ATF6: variants seen among roughly 807,000 people sequenced by gnomAD.
ATF6 encodes cyclic AMP-dependent transcription factor ATF-6 alpha.
ATF6 carries 53 observed loss-of-function variants against 83.6 expected under a neutral mutation model. That is an observed-to-expected ratio of 0.63 (90% CI 0.51 to 0.80). ATF6 has a LOEUF of 0.80. Among genes scored for constraint, ATF6 ranks in the 30% least tolerant of loss-of-function variants. ATF6 has a pLI of 0.00. For synonymous variants in ATF6, 288 were observed against 285.8 expected (o/e 1.01, Z -0.08); for missense variants, 744 against 797.9 (o/e 0.93, Z 0.81).
chr1:161,951,862 G>A (rs1218775536), intron 15 of ATF6, among the ~76,000 whole-genome samples: 1 of 152,128 alleles, frequency 6.6e-6, no homozygotes, highest in Non-Finnish European at 1.5e-5. Flanking sequence ...CTACGGTTTT[G>A]TGGATCCATT....
chr1:161,797,718 C>T (rs568958375), intron 6 of ATF6, among the ~76,000 whole-genome samples: 9 of 152,198 alleles, frequency 5.9e-5, no homozygotes, highest in East Asian at 3.9e-4. Context: ...TAGGAAGAAT[C>T]GATAGTGTTA....
chr1:161,773,140 A>ATTTTTTT (rs759769528), intron 1 of ATF6, among the ~76,000 whole-genome samples: 2 of 130,070 alleles, frequency 1.5e-5, no homozygotes, highest in African/African-American at 5.8e-5. Context: ...TACTTTTTGT[A>ATTTTTTT]TTTTTTTTTT....
intron 4 of ATF6, among the ~76,000 whole-genome samples, chr1:161,785,044 T>C (rs6685369): frequency 0.9 from 136,898 of 152,268 alleles, 61,716 homozygotes; most frequent in African/African-American, 0.96. Context: ...CCCCATTTAC[T>C]TTTCCAGTCT....
intron 2 of ATF6, among the ~76,000 whole-genome samples, chr1:161,778,862 C>T (rs10799979): frequency 0.12 from 18,489 of 152,008 alleles, 1,677 homozygotes; most frequent in East Asian, 0.31. Flanking sequence ...TTGATTAGTA[C>T]ATATAAAACT....
intron 14 of ATF6, among the ~76,000 whole-genome samples, chr1:161,888,027 A>G (rs1427026329): frequency 6.6e-6 from 1 of 152,230 alleles, no homozygotes; most frequent in Non-Finnish European, 1.5e-5. Flanking sequence ...GAGGGAAGAA[A>G]AATTAGGGGC....
intron 15 of ATF6, among the ~76,000 whole-genome samples, chr1:161,935,673 C>T (rs1188551479): frequency 6.6e-6 from 1 of 152,200 alleles, no homozygotes; most frequent in Non-Finnish European, 1.5e-5. Flanking sequence ...AAAATCACAG[C>T]TACTTTTGCA....
intron 1 of ATF6, among the ~76,000 whole-genome samples, chr1:161,773,767 G>A: frequency 6.6e-6 from 1 of 152,164 alleles, no homozygotes; most frequent in South Asian, 2.1e-4. Flanking sequence ...GTGTGGGACT[G>A]GTGCAAAGGA....
At chr1:161,795,607 A>T (rs1483148709) in intron 6 of ATF6, among the ~76,000 whole-genome samples, 1 of 152,262 alleles carries the variant, frequency 6.6e-6, no homozygotes, top group Non-Finnish European at 1.5e-5. Context: ...AGTGAGTTAC[A>T]CATAGTCAAA....
chr1:161,913,035 T>A (rs954570085), intron 15 of ATF6, among the ~76,000 whole-genome samples: 2 of 152,190 alleles, frequency 1.3e-5, no homozygotes, highest in African/African-American at 4.8e-5. Flanking sequence ...GAAAAGAGAT[T>A]ACTTTCAGCT....
At chr1:161,958,225 A>G (rs777103062) in intron 15 of ATF6, among the ~76,000 whole-genome samples, 5 of 152,108 alleles carry the variant, frequency 3.3e-5, no homozygotes, top group South Asian at 4.2e-4. Context: ...TGTTTAGTCA[A>G]TGGAGGTTGT....
intron 14 of ATF6, among the ~76,000 whole-genome samples, chr1:161,882,054 TAAAGC>T (rs1687335010): frequency 6.6e-6 from 1 of 152,126 alleles, no homozygotes. Flanking sequence ...AAGGAAGAAT[TAAAGC>T]AAAGCCAAGT....
chr1:161,941,716 A>G (rs1002271978), intron 15 of ATF6, among the ~76,000 whole-genome samples: 3 of 152,228 alleles, frequency 2.0e-5, no homozygotes, highest in Admixed American at 6.5e-5. Context: ...GAGAAGTACT[A>G]TGTTATAAGA....
At chr1:161,849,709 A>G (rs114341500) in intron 10 of ATF6, among the ~76,000 whole-genome samples, 39,752 of 151,638 alleles carry the variant, frequency 0.26, 8,727 homozygotes, top group African/African-American at 0.61. Flanking sequence ...CTCATCTATA[A>G]TTTCATGCAC....
intron 15 of ATF6, among the ~76,000 whole-genome samples, chr1:161,923,098 A>G (rs1264028027): frequency 6.6e-6 from 1 of 152,202 alleles, no homozygotes; most frequent in Non-Finnish European, 1.5e-5. Flanking sequence ...GTGGACCACT[A>G]GAATACTTCT....
chr1:161,931,352 C>A (rs1276283633), intron 15 of ATF6, among the ~76,000 whole-genome samples: 2 of 152,112 alleles, frequency 1.3e-5, no homozygotes, highest in African/African-American at 4.8e-5. Flanking sequence ...GCTAACATCC[C>A]TTATGACTGC....
rs1050238281 is a variant in ATF6 at position 161,857,142 on chromosome 1, T to G, written c.1534-3065T>G. On this transcript the variant is annotated intron_variant, in intron 12 of 15. Transcript: ENST00000367942. ...ATCAAGATTTTAAAAAAATTCTGTT[T>G]CTTGGTGTAAAGAGCCTGTAACTGC... Among the ~76,000 whole-genome samples the G allele has an allele frequency of 2.0e-5, 3 of 152,230 alleles. No homozygotes were observed. In the East Asian group the frequency reaches 5.8e-4, roughly 29 times the overall value.
chr1:161,809,564 T>C (rs1383051768), intron 7 of ATF6, among the ~76,000 whole-genome samples: 1 of 152,208 alleles, frequency 6.6e-6, no homozygotes, highest in African/African-American at 2.4e-5. Context: ...TACCCAGTAA[T>C]GGGATGGTTG....
chr1:161,905,151 C>T (rs566139568), intron 14 of ATF6, among the ~76,000 whole-genome samples: 45 of 151,842 alleles, frequency 3.0e-4, no homozygotes, highest in African/African-American at 9.9e-4. Context: ...CTTTTTTTCT[C>T]CCCTTCCAGA....
chr1:161,812,355 T>C (rs964331723), intron 7 of ATF6, among the ~76,000 whole-genome samples: 1 of 137,044 alleles, frequency 7.3e-6, no homozygotes, highest in Admixed American at 7.9e-5. Context: ...GGAGCTGGAA[T>C]GGGAGCAGGT....
Sources: allele counts gnomAD v4.1 joint callset (sites outside exome capture counted in the v4.1 genomes callset), GRCh38; gene constraint gnomAD v4.1.1; transcripts MANE v1.5; gene names NCBI Gene and HGNC (gene_info 2026-07-23, HGNC 2026-07-21).